Variants in BCL2 observed in about 807,000 individuals in gnomAD.
BCL2 encodes the protein BCL2 apoptosis regulator, also known as apoptosis regulator Bcl-2.
BCL2 carries 1 observed loss-of-function variant against 14.2 expected under a neutral mutation model. The observed-to-expected ratio is 0.07, with a 90% CI of 0.02 to 0.33. The LOEUF (loss-of-function observed/expected upper bound fraction) is 0.33, where lower values mean the gene tolerates loss of function less well. BCL2 is among the 10% of genes least tolerant of loss of function. The pLI is 0.99. For synonymous variants in BCL2, 151 were observed against 137.2 expected (o/e 1.10, Z -0.70); for missense variants, 247 against 305.9 (o/e 0.81, Z 1.44).
At chr18:63,197,895 C>A (rs1232454815) in intron 2 of BCL2, among the ~76,000 whole-genome samples, 1 of 152,118 alleles carries the variant, frequency 6.6e-6, no homozygotes, top group Non-Finnish European at 1.5e-5. Context: ...ATAAAACAAA[C>A]AGAGACTCCA....
At chr18:63,184,827 C>A (rs1157821613) in intron 2 of BCL2, among the ~76,000 whole-genome samples, 1 of 152,190 alleles carries the variant, frequency 6.6e-6, no homozygotes, top group African/African-American at 2.4e-5. Flanking sequence ...TGTTGAAAGT[C>A]TTTCTTGGCC....
At position 63,247,673 on chromosome 18, in the gene BCL2, G is replaced by T. The variant is rs150436734; in HGVS notation, c.585+70409C>A. 4.7e-3 allele frequency among the ~76,000 whole-genome samples: 718 copies of T among 152,170 alleles called. 7 individuals carry two copies. Among genetic ancestry groups the T allele is most frequent in the African/African-American group, 0.016 (679 of 41,504 alleles). The stretch of plus-strand genomic sequence containing the variant: ...CGGCTGGTGGAGAGCGTCCTGAATG[G>T]TGTCATCACCTCCACTGTCTGGACT... On this transcript the variant is annotated intron_variant, in intron 2 of 2. Coordinates refer to ENST00000333681, the MANE Select transcript of BCL2 (RefSeq NM_000633.3).
chr18:63,311,564 A>G (rs1170558838), intron 2 of BCL2, among the ~76,000 whole-genome samples: 1 of 152,222 alleles, frequency 6.6e-6, no homozygotes, highest in Non-Finnish European at 1.5e-5. Flanking sequence ...TAATGAGCAG[A>G]GTGGAGTCAG....
intron 2 of BCL2, among the ~76,000 whole-genome samples, chr18:63,182,531 G>A (rs1236380024): frequency 6.6e-6 from 1 of 152,198 alleles, no homozygotes; most frequent in Non-Finnish European, 1.5e-5. Flanking sequence ...AACATATGCT[G>A]CTCCCTTGAG....
intron 2 of BCL2, chr18:63,314,294 T>C (rs1007083952): frequency 3.3e-5 from 5 of 152,184 alleles, no homozygotes; most frequent in African/African-American, 1.2e-4. Flanking sequence ...ACTAGAAAAA[T>C]GATGCTCTTT....
chr18:63,224,759 G>A (rs1423552497), intron 2 of BCL2, among the ~76,000 whole-genome samples: 1 of 152,196 alleles, frequency 6.6e-6, no homozygotes, highest in Non-Finnish European at 1.5e-5. Context: ...CCAGGATGAT[G>A]ACTGGCTCAG....
chr18:63,238,313 A>G (rs904744003), intron 2 of BCL2, among the ~76,000 whole-genome samples: 3 of 152,254 alleles, frequency 2.0e-5, no homozygotes, highest in Admixed American at 6.5e-5. Flanking sequence ...GAGTGAGTTC[A>G]TGCCACCGAA....
chr18:63,277,364 G>A (rs962365667), intron 2 of BCL2, among the ~76,000 whole-genome samples: 4 of 152,030 alleles, frequency 2.6e-5, no homozygotes, highest in Admixed American at 2.0e-4. Flanking sequence ...CGGGTGTGGC[G>A]GCTCATGTCT....
At chr18:63,306,265 T>C (rs538778501) in intron 2 of BCL2, among the ~76,000 whole-genome samples, 1 of 152,312 alleles carries the variant, frequency 6.6e-6, no homozygotes, top group South Asian at 2.1e-4. Context: ...TCCTAATCAT[T>C]GTGCAAAGCT....
intron 2 of BCL2, among the ~76,000 whole-genome samples, chr18:63,300,275 G>A (rs1274578639): frequency 2.6e-5 from 4 of 152,224 alleles, no homozygotes; most frequent in Non-Finnish European, 1.5e-5. Flanking sequence ...TCTAGAAAGG[G>A]AGGTAGGAGA....
Position 63,124,640 on chromosome 18 carries a change from A to AT in BCL2, c.*3984dup, listed in dbSNP as rs554443203. 3.5e-4 allele frequency: 63 copies of AT among 181,568 alleles called. No homozygotes were observed. The highest frequency in any genetic ancestry group is 1.7e-3 in the South Asian group (6 of 3,514). The allele number at this position is 181,568 out of a possible 1,614,324, so 11.2% of individuals were successfully genotyped here. A position where few individuals can be genotyped will look rare whatever the true frequency, so the allele number is the denominator to read the frequency against. On this transcript the variant is annotated 3_prime_UTR_variant, in exon 3 of 3. Transcript: ENST00000333681. ...AACAAATGTCCTTTGTCCCATAATA[A>AT]TTTAAAAAAAAAATCCCTGAAAGAT...
chr18:63,221,101 C>A (rs189544671), intron 2 of BCL2, among the ~76,000 whole-genome samples: 77 of 152,324 alleles, frequency 5.1e-4, no homozygotes, highest in South Asian at 1.7e-3. Context: ...AGTGACCACT[C>A]TTTGAGGTCA....
At chr18:63,176,934 G>C (rs1392937534) in intron 2 of BCL2, among the ~76,000 whole-genome samples, 1 of 109,386 alleles carries the variant, frequency 9.1e-6, no homozygotes, top group Non-Finnish European at 1.8e-5. Flanking sequence ...TTTTTTTTTT[G>C]AGACAGGGTC....
Position 63,162,535 on chromosome 18 carries a change from G to C in BCL2, c.586-33776C>G, listed in dbSNP as rs117446643. ...ACTACTGGTGCAGGCAGGCACGCGG[G>C]TGACACAGCTGGCCAGCATTCTAGA... On this transcript the variant is annotated intron_variant, in intron 2 of 2. Coordinates refer to ENST00000333681, the MANE Select transcript of BCL2 (RefSeq NM_000633.3). Among the ~76,000 whole-genome samples, 169 of 152,232 alleles carry C rather than the reference G, an allele frequency of 1.1e-3. 3 individuals are homozygous for C. The East Asian group carries it at 0.03, about 27-fold the overall frequency.
chr18:63,288,777 GAAC>G (rs1473488413), intron 2 of BCL2, among the ~76,000 whole-genome samples: 1 of 152,062 alleles, frequency 6.6e-6, no homozygotes, highest in African/African-American at 2.4e-5. Flanking sequence ...AATCACAGAA[GAAC>G]AACATAAATA....
At chr18:63,211,265 C>G (rs1279470908) in intron 2 of BCL2, among the ~76,000 whole-genome samples, 1 of 151,854 alleles carries the variant, frequency 6.6e-6, no homozygotes, top group Non-Finnish European at 1.5e-5. Flanking sequence ...ACTATGTTGG[C>G]CAGGCTGGTC....
intron 2 of BCL2, among the ~76,000 whole-genome samples, chr18:63,172,237 A>G (rs1027893875): frequency 6.6e-6 from 1 of 152,198 alleles, no homozygotes; most frequent in Admixed American, 6.5e-5. Context: ...TCACCTGGTA[A>G]TTACTTTTCA....
At chr18:63,293,064 A>G (rs1912697834) in intron 2 of BCL2, among the ~76,000 whole-genome samples, 1 of 152,176 alleles carries the variant, frequency 6.6e-6, no homozygotes, top group Non-Finnish European at 1.5e-5. Context: ...AACGTGCAAG[A>G]TGTGCACCAA....
At chr18:63,203,307 T>C (rs1909751648) in intron 2 of BCL2, among the ~76,000 whole-genome samples, 1 of 152,222 alleles carries the variant, frequency 6.6e-6, no homozygotes, top group Non-Finnish European at 1.5e-5. Flanking sequence ...CAAGATTTAC[T>C]AGAGGCTATG....
Sources: gnomAD v4.1 joint callset for allele counts (sites outside exome capture counted in the v4.1 genomes callset) on GRCh38, gnomAD v4.1.1 for gene constraint, MANE v1.5 for transcripts, NCBI Gene and HGNC (gene_info 2026-07-23, HGNC 2026-07-21) for gene names.